ARMC6: variants seen among roughly 807,000 people sequenced by gnomAD.
ARMC6 encodes armadillo repeat containing 6, also known as armadillo repeat-containing protein 6.
Under a neutral mutation model 49.2 loss-of-function variants are expected in ARMC6, and 43 were observed. That is an observed-to-expected ratio of 0.87 (90% CI 0.69 to 1.13). ARMC6 has a LOEUF of 1.13. Ranked by LOEUF, ARMC6 falls within the 50% of genes most tolerant of loss-of-function variation. The pLI, the probability that ARMC6 is intolerant of heterozygous loss-of-function variation, is 0.00. For missense variants in ARMC6, 627 were observed against 682.0 expected, an observed-to-expected ratio of 0.92 and a Z score of 0.90; for synonymous variants, 262 against 289.6, an observed-to-expected ratio of 0.90 and a Z score of 0.97.
intron 5 of ARMC6, among the ~76,000 whole-genome samples, chr19:19,052,584 A>T (rs1181631267): frequency 6.6e-6 from 1 of 152,178 alleles, no homozygotes; most frequent in African/African-American, 2.4e-5. Flanking sequence ...GCTTGATCAT[A>T]TTCAGCCACA....
At chr19:19,049,512 T>A (rs1423333463) in intron 4 of ARMC6, among the ~76,000 whole-genome samples, 10 of 152,264 alleles carry the variant, frequency 6.6e-5, no homozygotes, top group Non-Finnish European at 1.5e-5. Flanking sequence ...CACCGCTGTT[T>A]GTTATGTAAA....
intron 2 of ARMC6, among the ~76,000 whole-genome samples, chr19:19,041,771 A>G (rs2059413433): frequency 6.6e-6 from 1 of 152,116 alleles, no homozygotes; most frequent in South Asian, 2.1e-4. Flanking sequence ...TGAAATACTC[A>G]CCTCAATCAA....
rs527283327 is a variant in ARMC6, at chr19:19,042,953, C to T, written c.196+76C>T. On this transcript the variant is annotated intron_variant, in intron 3 of 8. Transcript: ENST00000535612. ...CAGTGGGAGAGCCCTGCTGCCCCGC[C>T]CCACTGGGGGTGCCACATGCCTGGC... The T allele has an allele frequency of 1.3e-5, 21 of 1,561,272 alleles. No homozygotes were observed. The South Asian group carries it at 2.2e-4, about 16-fold the overall frequency.
rs539628006 is a variant in ARMC6, at chr19:19,058,093, G to A, written c.*465G>A. The A allele has an allele frequency of 4.0e-5, 9 of 225,990 alleles. No individual in the cohort carries two copies. Among genetic ancestry groups the A allele is most frequent in the East Asian group, 1.3e-4 (1 of 7,798 alleles). The allele number at this position is 225,990 out of a possible 1,614,324, so 14.0% of individuals were successfully genotyped here. A position where few individuals can be genotyped will look rare whatever the true frequency, so the allele number is the denominator to read the frequency against. Reference sequence around the variant, plus strand: ...CTGTAAAATGGGTCTCAGATGCTCCGCCCTGCTTGGCCCCAGCTTGTCTGT... The same window carrying A: ...CTGTAAAATGGGTCTCAGATGCTCCACCCTGCTTGGCCCCAGCTTGTCTGT... On this transcript the variant is annotated 3_prime_UTR_variant, in exon 9 of 9. Transcript: ENST00000535612.
chr19:19,047,142 A>T (rs1220602977), intron 4 of ARMC6, among the ~76,000 whole-genome samples: 1 of 151,806 alleles, frequency 6.6e-6, no homozygotes, highest in African/African-American at 2.4e-5. Context: ...ATTTTTCATT[A>T]AGGAAGAGTG....
chr19:19,046,940 T>TTTTC (rs1201190003), intron 4 of ARMC6, among the ~76,000 whole-genome samples: 2 of 147,834 alleles, frequency 1.4e-5, no homozygotes, highest in African/African-American at 5.1e-5. Context: ...TTTTTTTTTT[T>TTTTC]TTCTTTTTCT....
intron 4 of ARMC6, among the ~76,000 whole-genome samples, chr19:19,048,979 T>A (rs889186230): frequency 2.0e-5 from 3 of 152,058 alleles, no homozygotes; most frequent in Non-Finnish European, 4.4e-5. Context: ...CTTCCCATCA[T>A]GACCTGAAGT....
intron 5 of ARMC6, among the ~76,000 whole-genome samples, chr19:19,053,079 C>T (rs1475612967): frequency 1.3e-5 from 2 of 152,200 alleles, no homozygotes; most frequent in Admixed American, 6.5e-5. Context: ...CTCCATAGGG[C>T]AGGCTGGAAA....
At chr19:19,052,454 C>T (rs1035370832) in intron 5 of ARMC6, among the ~76,000 whole-genome samples, 12 of 152,260 alleles carry the variant, frequency 7.9e-5, no homozygotes, top group Non-Finnish European at 1.3e-4. Flanking sequence ...GGGGAAGGGG[C>T]TTGCTGTGTC....
In ARMC6 at chr19:19,055,606, TA is replaced by T. The variant is rs2059537436; in HGVS notation, c.1156-184del. Among the ~76,000 whole-genome samples the T allele has an allele frequency of 6.6e-6, 1 of 152,210 alleles. No individual in the cohort carries two copies. Among genetic ancestry groups the T allele is most frequent in the Non-Finnish European group, 1.5e-5 (1 of 68,038 alleles). ...CACCCTGCAAAGATCTGACCAGGCCTATTGCCCTTGTCACCCCTAAGAGCTG... is the reference window on the plus strand; with the variant it reads ...CACCCTGCAAAGATCTGACCAGGCCTTTGCCCTTGTCACCCCTAAGAGCTG... On this transcript the variant is annotated intron_variant, in intron 7 of 8. Coordinates refer to ENST00000535612, the MANE Select transcript of ARMC6 (RefSeq NM_001199196.2). This position sits in a 1 kb window ranked among gnomAD's most constrained non-coding sequence, Gnocchi z 5.7.
intron 2 of ARMC6, among the ~76,000 whole-genome samples, chr19:19,038,995 T>TCCCC (rs1437162957): frequency 1.3e-5 from 2 of 152,044 alleles, no homozygotes; most frequent in African/African-American, 4.8e-5. Context: ...GCTTGAGTGA[T>TCCCC]CCCCCCGCCT....
At chr19:19,034,763 A>ATT (rs374571780) in intron 2 of ARMC6, among the ~76,000 whole-genome samples, 1 of 120,770 alleles carries the variant, frequency 8.3e-6, no homozygotes, top group East Asian at 2.4e-4. Flanking sequence ...TAAATTTTGT[A>ATT]TTTTTTTTTT....
At chr19:19,036,835 A>G (rs566011261) in intron 2 of ARMC6, among the ~76,000 whole-genome samples, 2 of 152,294 alleles carry the variant, frequency 1.3e-5, no homozygotes, top group African/African-American at 4.8e-5. Context: ...ATTTTTCACT[A>G]CTGCCCTATG....
chr19:19,047,391 T>C (rs10422058), intron 4 of ARMC6, among the ~76,000 whole-genome samples: 3,571 of 152,220 alleles, frequency 0.023, 134 homozygotes, highest in African/African-American at 0.082. Context: ...ATTGTGATGG[T>C]CGTTGAAATT....
intron 4 of ARMC6, among the ~76,000 whole-genome samples, chr19:19,048,032 C>A (rs1568492773): frequency 6.6e-6 from 1 of 151,726 alleles, no homozygotes; most frequent in East Asian, 1.9e-4. Context: ...GCCAACATGG[C>A]AAAACCCATC....
At chr19:19,056,223 C>A (rs1345470772) in intron 8 of ARMC6, among the ~76,000 whole-genome samples, 1 of 151,732 alleles carries the variant, frequency 6.6e-6, no homozygotes, top group Non-Finnish European at 1.5e-5. Flanking sequence ...TCTGGTGAAA[C>A]CCTGGAAAGA....
chr19:19,042,431 C>G (rs187825622), intron 2 of ARMC6, among the ~76,000 whole-genome samples: 18 of 152,256 alleles, frequency 1.2e-4, no homozygotes, highest in Admixed American at 7.9e-4. Context: ...TCACTGCAGC[C>G]TTGACCTCCC....
intron 4 of ARMC6, among the ~76,000 whole-genome samples, chr19:19,046,026 C>T (rs78148642): frequency 0.016 from 2,433 of 152,154 alleles, 62 homozygotes; most frequent in African/African-American, 0.055. Flanking sequence ...TCTGAGGCTT[C>T]CCAAGGATCA....
Position 19,057,763 on chromosome 19 carries a change from A to T in ARMC6, c.*135A>T. ...AAGTGTTTTCTGGCAGGCCCTAGGTAAAGGGTCGGGGGAGGGGGGAGCCTT... is the reference window on the plus strand; with the variant it reads ...AAGTGTTTTCTGGCAGGCCCTAGGTTAAGGGTCGGGGGAGGGGGGAGCCTT... On this transcript the variant is annotated 3_prime_UTR_variant, in exon 9 of 9. Coordinates refer to ENST00000535612, the MANE Select transcript of ARMC6 (RefSeq NM_001199196.2). 6 of 635,520 alleles carry T rather than the reference A, an allele frequency of 9.4e-6. No homozygotes were observed. Among genetic ancestry groups the T allele is most frequent in the East Asian group, 4.4e-5 (1 of 22,630 alleles). The allele number at this position is 635,520 out of a possible 1,614,324, so 39.4% of individuals were successfully genotyped here.
Sources: allele counts gnomAD v4.1 joint callset (sites outside exome capture counted in the v4.1 genomes callset), GRCh38; gene constraint gnomAD v4.1.1; non-coding constraint Gnocchi (gnomAD v3.1); transcripts MANE v1.5; gene names NCBI Gene and HGNC (gene_info 2026-07-23, HGNC 2026-07-21).